The following ROBO1 variants were observed in gnomAD, a reference collection of about 807,000 sequenced individuals.
The protein encoded by ROBO1 is roundabout homolog 1.
In ROBO1, 149 loss-of-function variants were observed where a neutral mutation model predicts 195.9. The observed-to-expected ratio is 0.76, with a 90% CI of 0.67 to 0.87. The LOEUF is 0.87. Ranked by LOEUF, ROBO1 falls within the 40% of genes least tolerant of loss-of-function variation. The pLI is 0.00. For missense variants in ROBO1, 1,933 were observed against 2,068.3 expected (o/e 0.93, Z 1.27); for synonymous variants, 816 against 733.2 (o/e 1.11, Z -1.82).
intron 1 of ROBO1, among the ~76,000 whole-genome samples, chr3:79,596,634 T>C (rs951778521): frequency 6.6e-6 from 1 of 152,110 alleles, no homozygotes; most frequent in African/African-American, 2.4e-5. Context: ...TAATATATTA[T>C]CTTTCACATG....
intron 4 of ROBO1, among the ~76,000 whole-genome samples, chr3:78,911,505 T>C (rs1327968591): frequency 6.6e-6 from 1 of 152,026 alleles, no homozygotes; most frequent in Non-Finnish European, 1.5e-5. Flanking sequence ...TTTATAGATA[T>C]GAACTGTATT....
intron 4 of ROBO1, among the ~76,000 whole-genome samples, chr3:78,858,283 T>C (rs1234941698): frequency 6.6e-6 from 1 of 152,096 alleles, no homozygotes; most frequent in Non-Finnish European, 1.5e-5. Context: ...ACTGTTCTCA[T>C]TCATCTCTTC....
At chr3:79,000,417 T>G (rs2077474101) in intron 3 of ROBO1, among the ~76,000 whole-genome samples, 1 of 152,038 alleles carries the variant, frequency 6.6e-6, no homozygotes, top group Non-Finnish European at 1.5e-5. Flanking sequence ...AGAAGCTCTT[T>G]AATTAGATCC....
intron 4 of ROBO1, among the ~76,000 whole-genome samples, chr3:78,864,052 T>C (rs1379795118): frequency 6.6e-6 from 1 of 152,228 alleles, no homozygotes; most frequent in African/African-American, 2.4e-5. Context: ...CTTTCTATGC[T>C]ATTTACGTAG....
chr3:78,687,831 A>G (rs567444779), intron 9 of ROBO1, among the ~76,000 whole-genome samples: 3 of 152,068 alleles, frequency 2.0e-5, no homozygotes, highest in Non-Finnish European at 4.4e-5. Flanking sequence ...AGGTCTTACT[A>G]TGTTGCCCAG....
chr3:79,332,390 CAT>C (rs1391421061), intron 2 of ROBO1, among the ~76,000 whole-genome samples: 1 of 152,102 alleles, frequency 6.6e-6, no homozygotes, highest in Non-Finnish European at 1.5e-5. Flanking sequence ...TTATCACAAA[CAT>C]AAAAATTCTA....
chr3:79,551,790 G>A (rs1942521879), intron 2 of ROBO1, among the ~76,000 whole-genome samples: 1 of 151,692 alleles, frequency 6.6e-6, no homozygotes, highest in African/African-American at 2.4e-5. Context: ...GGAGAAAAAG[G>A]ACCTTTCAAA....
At chr3:79,378,603 T>TAA (rs1490160379) in intron 2 of ROBO1, among the ~76,000 whole-genome samples, 1 of 152,206 alleles carries the variant, frequency 6.6e-6, no homozygotes, top group East Asian at 1.9e-4. Context: ...CTTCCAATCT[T>TAA]TTTCCCTGTA....
chr3:78,642,466 C>T (rs191061801), intron 21 of ROBO1, among the ~76,000 whole-genome samples: 201 of 152,280 alleles, frequency 1.3e-3, no homozygotes, highest in African/African-American at 4.7e-3. Flanking sequence ...GGCTAGATCT[C>T]AGAATTGCCA....
intron 2 of ROBO1, among the ~76,000 whole-genome samples, chr3:79,518,672 TTTATTATTA>T (rs200268209): frequency 6.6e-6 from 1 of 151,372 alleles, no homozygotes; most frequent in Non-Finnish European, 1.5e-5. Flanking sequence ...CTCCAAATCT[TTTATTATTA>T]TTATTATTAT....
chr3:78,636,047 A>G lies in ROBO1; in HGVS notation c.3099T>C (p.Pro1033=), dbSNP rs555122998. The stretch of plus-strand genomic sequence containing the variant: ...CCACATCACCATAAACAGTTGACTC[A>G]GGGAGCATCAGATTTGTTTGTTTGT... The part of the protein sequence containing the change: ...LDNKQTNLML[P]ESTVYGDVDL... The change falls in exon 23 of 31, where the codon CCT becomes CCC. Residue 1033 remains proline, a synonymous_variant. Coordinates refer to ENST00000464233, the MANE Select transcript of ROBO1 (RefSeq NM_002941.4). The G allele has an allele frequency of 6.2e-7, 1 of 1,613,788 alleles. No individual in the cohort carries two copies. Among genetic ancestry groups the G allele is most frequent in the East Asian group, 2.2e-5 (1 of 44,852 alleles).
At chr3:79,296,107 G>C (rs2032579735) in intron 2 of ROBO1, among the ~76,000 whole-genome samples, 1 of 152,140 alleles carries the variant, frequency 6.6e-6, no homozygotes, top group Non-Finnish European at 1.5e-5. Flanking sequence ...GGGCAATCCA[G>C]TTGAAGAATG....
At chr3:79,088,567 G>T (rs2079417957) in intron 3 of ROBO1, among the ~76,000 whole-genome samples, 1 of 152,086 alleles carries the variant, frequency 6.6e-6, no homozygotes, top group Non-Finnish European at 1.5e-5. Context: ...TAACAGGAAA[G>T]GTAAGAAGCA....
intron 2 of ROBO1, among the ~76,000 whole-genome samples, chr3:79,260,999 T>G (rs2082928795): frequency 6.6e-6 from 1 of 152,082 alleles, no homozygotes; most frequent in Non-Finnish European, 1.5e-5. Context: ...TTCACAATAC[T>G]TGTACATCCT....
intron 2 of ROBO1, among the ~76,000 whole-genome samples, chr3:79,407,698 A>C (rs1329834756): frequency 6.6e-6 from 1 of 152,134 alleles, no homozygotes; most frequent in Non-Finnish European, 1.5e-5. Flanking sequence ...AAAAGATAGA[A>C]GTATTAATGA....
intron 3 of ROBO1, among the ~76,000 whole-genome samples, chr3:79,027,960 A>G (rs2078230935): frequency 6.6e-6 from 1 of 152,056 alleles, no homozygotes. Flanking sequence ...AAATTATTCT[A>G]TTTATACGAA....
chr3:79,119,237 C>G (rs939658478), intron 3 of ROBO1, among the ~76,000 whole-genome samples: 1 of 152,142 alleles, frequency 6.6e-6, no homozygotes, highest in African/African-American at 2.4e-5. Context: ...TCTTCACAGA[C>G]TCCAATTATT....
chr3:79,018,801 C>G (rs2078024367), intron 3 of ROBO1: 1 of 1,052,630 alleles, frequency 9.5e-7, no homozygotes, highest in South Asian at 3.7e-5. Flanking sequence ...TGCGGAGCCT[C>G]CCGGCGTGCG....
chr3:78,966,839 G>A (rs2076655255), intron 3 of ROBO1, among the ~76,000 whole-genome samples: 1 of 152,128 alleles, frequency 6.6e-6, no homozygotes, highest in African/African-American at 2.4e-5. Context: ...AGATCCCACA[G>A]TAAATGAATT....
Sources: gnomAD v4.1 joint callset for allele counts (sites outside exome capture counted in the v4.1 genomes callset) on GRCh38, gnomAD v4.1.1 for gene constraint, MANE v1.5 for transcripts, NCBI Gene and HGNC (gene_info 2026-07-23, HGNC 2026-07-21) for gene names.